The following CENPA variants were observed in gnomAD, a reference collection of about 807,000 sequenced individuals.
CENPA encodes histone H3-like centromeric protein A.
In CENPA, 7 loss-of-function variants were observed where a neutral mutation model predicts 17.2. The ratio of observed to expected loss-of-function variants is 0.41; its 90% CI spans 0.23 to 0.76. The LOEUF (loss-of-function observed/expected upper bound fraction) is 0.76. Among genes scored for constraint, CENPA ranks in the 30% least tolerant of loss-of-function variants. The pLI is 0.34. For synonymous variants in CENPA, 82 were observed against 77.4 expected (o/e 1.06, Z -0.31); for missense variants, 149 against 193.1 (o/e 0.77, Z 1.35).
chr2:26,788,173 C>CA, intron 1 of CENPA, among the ~76,000 whole-genome samples: 1 of 151,648 alleles, frequency 6.6e-6, no homozygotes, highest in South Asian at 2.1e-4. Context: ...ATTTTCGAGA[C>CA]AGAGTCTCAC....
intron 1 of CENPA, among the ~76,000 whole-genome samples, chr2:26,786,905 G>A (rs1358579705): frequency 1.3e-5 from 2 of 152,174 alleles, no homozygotes; most frequent in Admixed American, 1.3e-4. Flanking sequence ...GGGAAAAGGG[G>A]CCGAAGTCTG....
intron 1 of CENPA, 77 bp from the exon 2 acceptor site, chr2:26,792,054 A>G (rs1258344469): frequency 8.2e-7 from 1 of 1,219,202 alleles, no homozygotes; most frequent in Non-Finnish European, 1.2e-6. Context: ...TAGTCTAGCA[A>G]TTTGACAGCT....
chr2:26,786,148 C>T lies in CENPA; in HGVS notation c.-49C>T. ...AGCCTTTCGCTCCCGGACCCGGCAG[C>T]CCGAGCAGGAGCCGTGGGACCGGGC... On this transcript the variant is annotated 5_prime_UTR_variant, in exon 1 of 5. Transcript: ENST00000335756. The T allele has an allele frequency of 7.2e-7, 1 of 1,380,664 alleles. No homozygotes were observed. The highest frequency in any genetic ancestry group is 1.6e-5 in the South Asian group (1 of 62,786). 85.5% of individuals were successfully genotyped at this position (1,380,664 alleles called of 1,614,324 possible).
chr2:26,792,268 C>G (rs1040402166), intron 2 of CENPA, 28 bp downstream of exon 2: 19 of 1,546,030 alleles, frequency 1.2e-5, no homozygotes, highest in Non-Finnish European at 1.6e-5. Context: ...CCCACCAACC[C>G]CTATGCCACC....
intron 1 of CENPA, among the ~76,000 whole-genome samples, chr2:26,788,450 C>T (rs894797028): frequency 2.6e-5 from 4 of 152,012 alleles, no homozygotes; most frequent in Non-Finnish European, 4.4e-5. Flanking sequence ...CCTTTTTCTC[C>T]CTCCTCGACT....
chr2:26,786,615 T>C (rs1404527652), intron 1 of CENPA, among the ~76,000 whole-genome samples: 2 of 152,394 alleles, frequency 1.3e-5, no homozygotes, highest in Admixed American at 1.3e-4. Flanking sequence ...AGCTTCATAT[T>C]GTGCCCATTT....
chr2:26,792,638 C>A, intron 2 of CENPA, 118 bp from the exon 3 acceptor site: 1 of 933,988 alleles, frequency 1.1e-6, no homozygotes, highest in Admixed American at 2.0e-5. Context: ...AGATTAAGAG[C>A]CAGGAAAAAA....
intron 1 of CENPA, among the ~76,000 whole-genome samples, chr2:26,788,904 A>G (rs1032086875): frequency 1.3e-5 from 2 of 151,514 alleles, no homozygotes; most frequent in African/African-American, 4.9e-5. Context: ...CCAACTGCCA[A>G]CCTCAAGTGA....
rs141275453 is a variant in CENPA, at chr2:26,792,133, G to T, written c.103G>T (p.Ala35Ser). ...GAACTTACCTTTCTTTTGCTCAGGC[G>T]CTTCCTCCCATCAACACAGTCGGCG... Reference protein sequence around the residue: ...GPSRRGPSLGASSHQHSRRRQ... With the variant: ...GPSRRGPSLGSSSHQHSRRRQ... The change falls in exon 2 of 5, where the codon GCT (alanine) becomes TCT (serine). Residue 35 changes from alanine (A) to serine (S), a missense_variant and splice_region_variant. Ala to Ser is a moderately conservative substitution (Grantham distance 99, BLOSUM62 1). Coordinates refer to ENST00000335756, the MANE Select transcript of CENPA (RefSeq NM_001809.4). 5.0e-6 allele frequency: 8 copies of T among 1,613,340 alleles called. No homozygotes were observed. The East Asian group carries it at 1.8e-4, about 36-fold the overall frequency.
intron 1 of CENPA, among the ~76,000 whole-genome samples, chr2:26,788,980 T>C (rs954248356): frequency 6.6e-6 from 1 of 152,224 alleles, no homozygotes; most frequent in Non-Finnish European, 1.5e-5. Flanking sequence ...TGGCCGTATT[T>C]ACGATCTTAA....
intron 1 of CENPA, among the ~76,000 whole-genome samples, chr2:26,789,627 C>T (rs1473874680): frequency 6.6e-6 from 1 of 152,136 alleles, no homozygotes; most frequent in Admixed American, 6.5e-5. Context: ...GGTTACTCCC[C>T]TCCAGCCCCT....
chr2:26,792,451 A>G, intron 2 of CENPA: 1 of 710,690 alleles, frequency 1.4e-6, no homozygotes, highest in Non-Finnish European at 2.6e-6. Flanking sequence ...CCTTTTTAAA[A>G]CTGTAGTTTT....
Position 26,792,768 on chromosome 2 carries a change from T to A in CENPA, c.223T>A (p.Cys75Ser). 2 of 1,614,160 alleles carry A rather than the reference T, an allele frequency of 1.2e-6. No individual in the cohort carries two copies. Among genetic ancestry groups the A allele is most frequent in the Non-Finnish European group, 1.7e-6 (2 of 1,180,018 alleles). The change falls in exon 3 of 5, where the codon TGT (cysteine) becomes AGT (serine). Residue 75 changes from cysteine (C) to serine (S), a missense_variant. Physicochemically the swap from Cys to Ser is moderately radical, Grantham distance 112. Coordinates refer to ENST00000335756, the MANE Select transcript of CENPA (RefSeq NM_001809.4). ...LPFSRLAREICVKFTRGVDFN... is the reference protein window; with the variant it reads ...LPFSRLAREISVKFTRGVDFN... ...CACTCCTTCACAGGCAAGAGAAATA[T>A]GTGTTAAATTCACTCGTGGTGTGGA...
chr2:26,786,192 G>A lies in CENPA; in HGVS notation c.-5G>A. 1 of 1,445,110 alleles carries A rather than the reference G, an allele frequency of 6.9e-7. No homozygotes were observed. The highest frequency in any genetic ancestry group is 9.0e-7 in the Non-Finnish European group (1 of 1,105,674). 89.5% of individuals were successfully genotyped at this position (1,445,110 alleles called of 1,614,324 possible). Reference sequence around the variant, plus strand: ...ACCGGGCGCCAGCACCCTCTGCGGCGTGTCATGGGCCCGCGCCGCCGGAGC... The same window carrying A: ...ACCGGGCGCCAGCACCCTCTGCGGCATGTCATGGGCCCGCGCCGCCGGAGC... On this transcript the variant is annotated 5_prime_UTR_variant, in exon 1 of 5. The change creates a new upstream start codon in the 5' untranslated region. Transcript: ENST00000335756.
rs1460537596 is a variant in CENPA at position 26,792,132 on chromosome 2, C to T, written c.102C>T (p.Gly34=). 1.2e-6 allele frequency: 2 copies of T among 1,613,422 alleles called. No homozygotes were observed. Among genetic ancestry groups the T allele is most frequent in the South Asian group, 1.1e-5 (1 of 90,884 alleles). The change falls in exon 2 of 5, where the codon GGC becomes GGT. Residue 34 remains glycine (G), a splice_region_variant and synonymous_variant. Coordinates refer to ENST00000335756, the MANE Select transcript of CENPA (RefSeq NM_001809.4). The stretch of plus-strand genomic sequence containing the variant: ...TGAACTTACCTTTCTTTTGCTCAGG[C>T]GCTTCCTCCCATCAACACAGTCGGC... ...PGPSRRGPSL[G]ASSHQHSRRR...
chr2:26,792,821 G>A lies in CENPA; in HGVS notation c.276G>A (p.Leu92=), dbSNP rs1466735306. ...VDFNWQAQAL[L]ALQEAAEAFL... is the part of the protein sequence containing the mutation. ...TCAATTGGCAAGCCCAGGCCCTATT[G>A]GCCCTACAAGAGGTAAGAAGGCACC... The change falls in exon 3 of 5, where the codon TTG becomes TTA. Residue 92 remains leucine (L), a synonymous_variant. Coordinates refer to ENST00000335756, the MANE Select transcript of CENPA (RefSeq NM_001809.4). The A allele has an allele frequency of 5.0e-6, 8 of 1,614,108 alleles. No homozygotes were observed. The highest frequency in any genetic ancestry group is 5.9e-6 in the Non-Finnish European group (7 of 1,179,992).
At position 26,786,168 on chromosome 2, in the gene CENPA, C is replaced by T. The variant is rs1327629339; in HGVS notation, c.-29C>T. ...GGCAGCCCGAGCAGGAGCCGTGGGA[C>T]CGGGCGCCAGCACCCTCTGCGGCGT... On this transcript the variant is annotated 5_prime_UTR_variant, in exon 1 of 5. Coordinates refer to ENST00000335756, the MANE Select transcript of CENPA (RefSeq NM_001809.4). 7.0e-7 allele frequency: 1 copy of T among 1,420,082 alleles called. No homozygotes were observed. The highest frequency in any genetic ancestry group is 3.1e-5 in the Admixed American group (1 of 32,566). 88.0% of individuals were successfully genotyped at this position (1,420,082 alleles called of 1,614,324 possible). A position where few individuals can be genotyped will look rare whatever the true frequency, so the allele number is the denominator to read the frequency against.
rs1041090227 is a variant in CENPA, at chr2:26,788,334, G to A, written c.100+2038G>A. On this transcript the variant is annotated intron_variant, in intron 1 of 4. Coordinates refer to ENST00000335756, the MANE Select transcript of CENPA (RefSeq NM_001809.4). ...GCTTGACTATTTTTAAACCTTTTTT[G>A]TAGAGACAAATTGTTTTGTCTCTAC... Among the ~76,000 whole-genome samples the A allele has an allele frequency of 5.9e-5, 9 of 151,700 alleles. No individual in the cohort carries two copies. The East Asian group carries it at 1.7e-3, about 29-fold the overall frequency.
rs1452531245 is a variant in CENPA at position 26,793,969 on chromosome 2, G to A, written c.*205G>A. The A allele has an allele frequency of 2.6e-5, 4 of 152,194 alleles. No homozygotes were observed. In the East Asian group the frequency reaches 7.7e-4, roughly 29 times the overall value. The allele number at this position is 152,194 out of a possible 1,614,324, so 9.4% of individuals were successfully genotyped here. Reference sequence around the variant, plus strand: ...CTGCATGACTTTCCTCTGTAACAGAGGTAATATATGAGACAATCAACACCG... The same window carrying A: ...CTGCATGACTTTCCTCTGTAACAGAAGTAATATATGAGACAATCAACACCG... On this transcript the variant is annotated 3_prime_UTR_variant, in exon 5 of 5. Transcript: ENST00000335756.
Sources: gnomAD v4.1 joint callset for allele counts (sites outside exome capture counted in the v4.1 genomes callset) on GRCh38, gnomAD v4.1.1 for gene constraint, MANE v1.5 for transcripts, NCBI Gene and HGNC (gene_info 2026-07-23, HGNC 2026-07-21) for gene names.